FHIP2B: variants seen among roughly 807,000 people sequenced by gnomAD.
FHIP2B encodes the protein FHF complex subunit HOOK interacting protein 2B, also known as FHF complex subunit HOOK-interacting protein 2B.
Under a neutral mutation model 84.0 loss-of-function variants are expected in FHIP2B, and 72 were observed. The ratio of observed to expected loss-of-function variants is 0.86; its 90% CI spans 0.71 to 1.04. The LOEUF (loss-of-function observed/expected upper bound fraction) is 1.04. Ranked by LOEUF, FHIP2B falls within the 50% of genes least tolerant of loss-of-function variation. FHIP2B has a pLI of 0.00. For synonymous variants in FHIP2B, 497 were observed against 418.7 expected (o/e 1.19, Z -2.28); for missense variants, 972 against 968.9 (o/e 1.00, Z -0.04).
At chr8:22,094,730 G>A in intron 2 of FHIP2B, 2 of 1,364,230 alleles carry the variant, frequency 1.5e-6, no homozygotes, top group East Asian at 3.3e-5. Context: ...GTCCCACTCT[G>A]ACCTTTTGGA....
At chr8:22,100,479 C>A in intron 10 of FHIP2B, 115 bp from the exon 11 acceptor site, 5 of 1,222,238 alleles carry the variant, frequency 4.1e-6, no homozygotes, top group Non-Finnish European at 5.3e-6. Context: ...TAGCATCCAG[C>A]CAAGGGAGGT....
chr8:22,096,200 C>A, intron 2 of FHIP2B, 137 bp from the exon 3 acceptor site: 2 of 777,810 alleles, frequency 2.6e-6, no homozygotes, highest in Non-Finnish European at 4.0e-6. Flanking sequence ...TTCCATTTCC[C>A]AGTTGCCAGC....
rs545454594 is a variant in FHIP2B, at chr8:22,104,220, C to A, written c.*1289C>A. On this transcript the variant is annotated 3_prime_UTR_variant, in exon 17 of 17. Coordinates refer to ENST00000289921, the MANE Select transcript of FHIP2B (RefSeq NM_022749.7). ...GCACAAACGTGGGTGTTGGTGTGGA[C>A]GGGGCGCAGATCTCCGTGGATGAAC... The A allele has an allele frequency of 6.6e-6, 1 of 152,272 alleles. No homozygotes were observed. The highest frequency in any genetic ancestry group is 2.4e-5 in the African/African-American group (1 of 41,386). The allele number at this position is 152,272 out of a possible 1,614,324, so 9.4% of individuals were successfully genotyped here.
intron 2 of FHIP2B, 187 bp downstream of exon 2, chr8:22,094,705 A>C (rs1825672977): frequency 7.1e-7 from 1 of 1,416,592 alleles, no homozygotes; most frequent in African/African-American, 1.5e-5. Context: ...TCCACTCCTG[A>C]TGATTTAGCT....
chr8:22,097,615 G>A lies in FHIP2B; in HGVS notation c.397G>A (p.Val133Met), dbSNP rs569952208. The A allele has an allele frequency of 3.1e-6, 5 of 1,606,270 alleles. No homozygotes were observed. The African/African-American group carries it at 5.3e-5, about 17-fold the overall frequency. Reference protein sequence around the residue: ...LLHYLSVHRPVQKLLRLGGTA... With the variant: ...LLHYLSVHRPMQKLLRLGGTA... The stretch of plus-strand genomic sequence containing the variant: ...GCATTACCTCAGCGTCCACAGGCCT[G>A]TGCAGGTGAGGGGCCCGGAAGCCAA... Residue 133 changes from valine (V) to methionine (M), a missense_variant, in exon 4 of 17, where the codon GTG (valine) becomes ATG (methionine). Val to Met is a conservative substitution (Grantham distance 21). Coordinates refer to ENST00000289921, the MANE Select transcript of FHIP2B (RefSeq NM_022749.7).
chr8:22,099,446 C>T (rs1825979994), intron 9 of FHIP2B, 86 bp downstream of exon 9: 2 of 1,395,896 alleles, frequency 1.4e-6, no homozygotes, highest in Non-Finnish European at 2.0e-6. Context: ...TAAGGCCAGA[C>T]ACCTTCTTGA....
intron 3 of FHIP2B, 129 bp downstream of exon 3, chr8:22,096,638 G>T (rs1016092869): frequency 1.5e-4 from 205 of 1,323,710 alleles, no homozygotes; most frequent in Non-Finnish European, 1.8e-4. Context: ...GCTGGGCCAG[G>T]CTGAGGTGGG....
intron 3 of FHIP2B, 59 bp from the exon 4 acceptor site, chr8:22,097,457 G>A (rs113799645): frequency 9.7e-6 from 14 of 1,446,252 alleles, no homozygotes; most frequent in East Asian, 5.1e-5. Flanking sequence ...CTCAGTACCC[G>A]CCAGGCATGC....
At chr8:22,090,667 C>G (rs1380445330) in intron 1 of FHIP2B, among the ~76,000 whole-genome samples, 1 of 152,116 alleles carries the variant, frequency 6.6e-6, no homozygotes, top group East Asian at 1.9e-4. Flanking sequence ...TTTCTGAGCC[C>G]AGGCTAGACT....
chr8:22,102,529 T>G lies in FHIP2B; in HGVS notation c.1994T>G (p.Val665Gly), dbSNP rs563696065. The change falls in exon 16 of 17, where the codon GTG becomes GGG. Residue 665 changes from valine to glycine, a missense_variant and splice_region_variant. Coordinates refer to ENST00000289921, the MANE Select transcript of FHIP2B (RefSeq NM_022749.7). ...AGTCCCCTGTGATTCCCGCTGTAGG[T>G]GATCGGGGACTTGATGCAGAGAATC... is the stretch of plus-strand genomic sequence containing the variant. ...CRSLFSVLVR[V>G]IGDLMQRIQR... 6.4e-7 allele frequency: 1 copy of G among 1,556,298 alleles called. No individual in the cohort carries two copies. Among genetic ancestry groups the G allele is most frequent in the African/African-American group, 1.4e-5 (1 of 73,338 alleles).
chr8:22,099,442 C>A, intron 9 of FHIP2B, 82 bp downstream of exon 9: 4 of 1,413,834 alleles, frequency 2.8e-6, no homozygotes, highest in Non-Finnish European at 3.9e-6. Context: ...TCCCTAAGGC[C>A]AGACACCTTC....
At chr8:22,090,316 C>A (rs534540579) in intron 1 of FHIP2B, among the ~76,000 whole-genome samples, 5 of 152,228 alleles carry the variant, frequency 3.3e-5, no homozygotes, top group Non-Finnish European at 5.9e-5. Flanking sequence ...TCCCCACCAC[C>A]TCCTCCCCAA....
Position 22,104,831 on chromosome 8 carries a change from T to TGA in FHIP2B, c.*1900_*1901insGA. 1 of 126,512 alleles carries TGA rather than the reference T, an allele frequency of 7.9e-6. No individual in the cohort carries two copies. The highest frequency in any genetic ancestry group is 2.3e-4 in the East Asian group (1 of 4,414). 7.8% of individuals were successfully genotyped at this position (126,512 alleles called of 1,614,324 possible). A position where few individuals can be genotyped will look rare whatever the true frequency, so the allele number is the denominator to read the frequency against. The stretch of plus-strand genomic sequence containing the variant: ...CTGGGCAATAGAGTAAGACCCTGTC[T>TGA]AAAAAAAAAAAAAAAAAATTTCACA... On this transcript the variant is annotated 3_prime_UTR_variant, in exon 17 of 17. Coordinates refer to ENST00000289921, the MANE Select transcript of FHIP2B (RefSeq NM_022749.7).
Position 22,094,484 on chromosome 8 carries a change from G to A in FHIP2B, c.90G>A (p.Trp30Ter). ...TGCTGCAGGCCTTCGTGGAGCACTG[G>A]AAGGGCATCACGCACTACTACATCG... Reference protein sequence around the residue: ...IDLLQAFVEHWKGITHYYIES... With the variant: ...IDLLQAFVEH Residue 30 changes from tryptophan to a stop codon, truncating the protein, a stop_gained, in exon 2 of 17, where the codon TGG becomes TGA. Transcript: ENST00000289921. LOFTEE classifies it high-confidence loss of function. 1 of 1,611,910 alleles carries A rather than the reference G, an allele frequency of 6.2e-7. No homozygotes were observed. The highest frequency in any genetic ancestry group is 1.3e-5 in the African/African-American group (1 of 74,872).
At chr8:22,091,315 G>A (rs888994145) in intron 1 of FHIP2B, among the ~76,000 whole-genome samples, 2 of 145,780 alleles carry the variant, frequency 1.4e-5, no homozygotes, top group East Asian at 2.1e-4. Flanking sequence ...GCAGTGGGGC[G>A]ATCTCAGCTG....
Position 22,091,240 on chromosome 8 carries a change from CT to C in FHIP2B, c.45+1971del, listed in dbSNP as rs71204535. 8.1e-3 allele frequency among the ~76,000 whole-genome samples: 946 copies of C among 117,020 alleles called. 2 individuals are homozygous for C. The highest frequency in any genetic ancestry group is 0.018 in the African/African-American group (589 of 32,362). The allele number at this position is 117,020 out of a possible 152,430, so 76.8% of individuals were successfully genotyped here. A position where few individuals can be genotyped will look rare whatever the true frequency, so the allele number is the denominator to read the frequency against. On this transcript the variant is annotated intron_variant, in intron 1 of 16. Coordinates refer to ENST00000289921, the MANE Select transcript of FHIP2B (RefSeq NM_022749.7). ...TCTAACAGATTAGGAATCATTACAG[CT>C]TTTTTTTTTTTTTTTTTTTTTTTTT... is the stretch of plus-strand genomic sequence containing the variant.
chr8:22,096,063 G>C (rs1036847404), intron 2 of FHIP2B: 1 of 349,642 alleles, frequency 2.9e-6, no homozygotes, highest in African/African-American at 2.1e-5. Context: ...ACCCATCCTA[G>C]GGTTTGAAGG....
At chr8:22,090,872 C>A (rs1825454077) in intron 1 of FHIP2B, among the ~76,000 whole-genome samples, 1 of 152,118 alleles carries the variant, frequency 6.6e-6, no homozygotes, top group African/African-American at 2.4e-5. Context: ...CGATCCTTAG[C>A]CTCCCAAAGT....
At position 22,097,854 on chromosome 8, in the gene FHIP2B, C is replaced by G; in HGVS notation, c.525+15C>G. ...ACATCCTGGAAGTGAGCACTCTGAT[C>G]GGGAACAGGAGGGGGAGGGCCCAGA... On this transcript the variant is annotated intron_variant, in intron 5 of 16. Coordinates refer to ENST00000289921, the MANE Select transcript of FHIP2B (RefSeq NM_022749.7). The G allele has an allele frequency of 6.2e-7, 1 of 1,610,592 alleles. No individual in the cohort carries two copies. The highest frequency in any genetic ancestry group is 1.1e-5 in the South Asian group (1 of 91,010).
Sources: gnomAD v4.1 joint callset for allele counts (sites outside exome capture counted in the v4.1 genomes callset) on GRCh38, gnomAD v4.1.1 for gene constraint, MANE v1.5 for transcripts, NCBI Gene and HGNC (gene_info 2026-07-23, HGNC 2026-07-21) for gene names.